Variants in POP5 observed in about 807,000 individuals in gnomAD.
POP5 encodes POP5 ribonuclease P/MRP subunit.
In POP5, 18 loss-of-function variants were observed where a neutral mutation model predicts 20.7. The ratio of observed to expected loss-of-function variants is 0.87; its 90% confidence interval spans 0.60 to 1.29. The LOEUF (loss-of-function observed/expected upper bound fraction) is 1.29. POP5 is among the 50% of genes most tolerant of loss of function. POP5 has a pLI of 0.00. For missense variants in POP5, 200 were observed against 203.2 expected, an observed-to-expected ratio of 0.98 and a Z score of 0.10; for synonymous variants, 91 against 78.0, an observed-to-expected ratio of 1.17 and a Z score of -0.88.
rs780252851 is a variant in POP5, at chr12:120,579,919, T to C, written c.168A>G (p.Arg56=). 110 of 1,613,424 alleles carry C rather than the reference T, an allele frequency of 6.8e-5. No individual in the cohort carries two copies. The highest frequency in any genetic ancestry group is 8.0e-5 in the African/African-American group (6 of 75,042). Residue 56 remains arginine, a synonymous_variant, in exon 3 of 5, where the codon CGA becomes CGG. Coordinates refer to ENST00000357500, the MANE Select transcript of POP5 (RefSeq NM_015918.4). ...CTATTCCAGTATAGGCATTGAGATATCGAACTACAACAGGAAAGAAAAATC... is the reference window on the plus strand; with the variant it reads ...CTATTCCAGTATAGGCATTGAGATACCGAACTACAACAGGAAAGAAAAATC... ...AAACSIGFAV[R]YLNAYTGIVL...
chr12:120,581,267 G>C lies in POP5; in HGVS notation c.21-10C>G, dbSNP rs1363328137. The C allele has an allele frequency of 6.2e-7, 1 of 1,614,224 alleles. No individual in the cohort carries two copies. The highest frequency in any genetic ancestry group is 1.7e-5 in the Admixed American group (1 of 60,026). On this transcript the variant is annotated splice_polypyrimidine_tract_variant and intron_variant, in intron 1 of 4. Transcript: ENST00000357500. ...TTCGCAGAGCAGGTACCTGCGGCAGGCGAGAGGAAGGTGGACACTAGCGGG... is the reference window on the plus strand; with the variant it reads ...TTCGCAGAGCAGGTACCTGCGGCAGCCGAGAGGAAGGTGGACACTAGCGGG...
At position 120,581,127 on chromosome 12, in the gene POP5, T is replaced by C. The variant is rs944386084; in HGVS notation, c.151A>G (p.Ile51Val). The C allele has an allele frequency of 2.5e-6, 4 of 1,612,026 alleles. No homozygotes were observed. Among genetic ancestry groups the C allele is most frequent in the South Asian group, 1.1e-5 (1 of 91,056 alleles). Reference sequence around the variant, plus strand: ...AGCGCCCTTGCACCCGCGAAGCCGATGGAGCAGGCGGCTGCGCCGAAAGTT... The same window carrying C: ...AGCGCCCTTGCACCCGCGAAGCCGACGGAGCAGGCGGCTGCGCCGAAAGTT... The part of the protein sequence containing the change: ...HGTFGAAACS[I>V]GFAVRYLNAY... Residue 51 changes from isoleucine to valine, a missense_variant, in exon 2 of 5, where the codon ATC becomes GTC. Coordinates refer to ENST00000357500, the MANE Select transcript of POP5 (RefSeq NM_015918.4).
intron 3 of POP5, 46 bp from the exon 4 acceptor site, chr12:120,579,643 C>T: frequency 1.3e-6 from 2 of 1,571,384 alleles, no homozygotes; most frequent in Middle Eastern, 1.7e-4. Flanking sequence ...AAGATCTCGA[C>T]CTTACAGACT....
At position 120,581,373 on chromosome 12, in the gene POP5, G is replaced by C; in HGVS notation, c.-11C>G. The C allele has an allele frequency of 1.2e-6, 2 of 1,610,836 alleles. No individual in the cohort carries two copies. The highest frequency in any genetic ancestry group is 1.7e-6 in the Non-Finnish European group (2 of 1,178,758). On this transcript the variant is annotated 5_prime_UTR_variant, in exon 1 of 5. Coordinates refer to ENST00000357500, the MANE Select transcript of POP5 (RefSeq NM_015918.4). Reference sequence around the variant, plus strand: ...CTTGAACCGCACCATGGCTGCCTCCGCGCTCTCCGGTCCGGCGTGCAAACC... The same window carrying C: ...CTTGAACCGCACCATGGCTGCCTCCCCGCTCTCCGGTCCGGCGTGCAAACC...
In POP5 at chr12:120,579,941, A is replaced by C. The variant is rs1280912576; in HGVS notation, c.164-18T>G. 6.2e-7 allele frequency: 1 copy of C among 1,610,546 alleles called. No homozygotes were observed. Among genetic ancestry groups the C allele is most frequent in the Non-Finnish European group, 8.5e-7 (1 of 1,178,644 alleles). ...ATATCGAACTACAACAGGAAAGAAA[A>C]ATCATTTTGGAAAACTTTTGCTCTG... On this transcript the variant is annotated intron_variant, in intron 2 of 4. Transcript: ENST00000357500.
chr12:120,579,976 T>C (rs543394371), intron 2 of POP5, 53 bp from the exon 3 acceptor site: 1 of 1,546,790 alleles, frequency 6.5e-7, no homozygotes, highest in African/African-American at 1.4e-5. Flanking sequence ...GTGTGGTGGC[T>C]CACGCCTGTA....
chr12:120,579,167 T>A lies in POP5; in HGVS notation c.*151A>T. On this transcript the variant is annotated 3_prime_UTR_variant, in exon 5 of 5. Coordinates refer to ENST00000357500, the MANE Select transcript of POP5 (RefSeq NM_015918.4). ...TAGGTAAAGGCAACTTCAGTTTAAC[T>A]GAGTACTCCATTTCAAGTGGGTAAT... The A allele has an allele frequency of 1.5e-6, 1 of 686,644 alleles. No individual in the cohort carries two copies. Among genetic ancestry groups the A allele is most frequent in the Non-Finnish European group, 2.6e-6 (1 of 390,200 alleles). 42.5% of individuals were successfully genotyped at this position (686,644 alleles called of 1,614,324 possible). A position where few individuals can be genotyped will look rare whatever the true frequency, so the allele number is the denominator to read the frequency against.
chr12:120,581,014 C>T (rs1299068246), intron 2 of POP5, 101 bp downstream of exon 2: 2 of 1,502,018 alleles, frequency 1.3e-6, no homozygotes, highest in Admixed American at 2.1e-5. Flanking sequence ...AAACGGTGCA[C>T]GGGCTTGGCC....
At chr12:120,579,474 T>C (rs554222502) in intron 4 of POP5, 40 bp downstream of exon 4, 1 of 1,607,312 alleles carries the variant, frequency 6.2e-7, no homozygotes, top group African/African-American at 1.3e-5. Context: ...CAGCTTAAGG[T>C]CAGTCACTGC....
intron 2 of POP5, chr12:120,580,701 T>C (rs1473595416): frequency 5.1e-6 from 1 of 196,576 alleles, no homozygotes; most frequent in South Asian, 8.5e-5. Context: ...TTGACAATCA[T>C]GTGTTCTGTA....
At chr12:120,579,739 A>G (rs758203410) in intron 3 of POP5, 35 bp downstream of exon 3, 53 of 1,580,790 alleles carry the variant, frequency 3.4e-5, no homozygotes, top group Non-Finnish European at 4.3e-5. Flanking sequence ...CGTGTCACCA[A>G]TTGAAAATCA....
At chr12:120,580,005 G>T in intron 2 of POP5, 82 bp from the exon 3 acceptor site, 1 of 1,351,586 alleles carries the variant, frequency 7.4e-7, no homozygotes, top group Non-Finnish European at 1.0e-6. Flanking sequence ...ACTTTGGGAG[G>T]CTGAGGCGGG....
At chr12:120,579,474 T>G in intron 4 of POP5, 40 bp downstream of exon 4, 1 of 1,607,430 alleles carries the variant, frequency 6.2e-7, no homozygotes, top group Non-Finnish European at 8.5e-7. Flanking sequence ...CAGCTTAAGG[T>G]CAGTCACTGC....
At chr12:120,579,445 T>A in intron 4 of POP5, 33 bp from the exon 5 acceptor site, 18 of 1,608,218 alleles carry the variant, frequency 1.1e-5, no homozygotes, top group Non-Finnish European at 1.5e-5. Context: ...ATGAAAGATA[T>A]CTTTGGGAGT....
chr12:120,580,965 C>T (rs1035079676), intron 2 of POP5, 150 bp downstream of exon 2: 1 of 1,284,854 alleles, frequency 7.8e-7, no homozygotes, highest in Non-Finnish European at 1.1e-6. Context: ...TTCGGACTCT[C>T]GCTTGGGGTC....
At position 120,581,340 on chromosome 12, in the gene POP5, T is replaced by A; in HGVS notation, c.20+3A>T. ...CTGGGAGGGTCTGGAAGGGAATGCT[T>A]ACCTGTGCTTGAACCGCACCATGGC... is the stretch of plus-strand genomic sequence containing the variant. On this transcript the variant is annotated splice_donor_region_variant and intron_variant, in intron 1 of 4. Coordinates refer to ENST00000357500, the MANE Select transcript of POP5 (RefSeq NM_015918.4). The A allele has an allele frequency of 6.2e-7, 1 of 1,613,854 alleles. No individual in the cohort carries two copies. The highest frequency in any genetic ancestry group is 8.5e-7 in the Non-Finnish European group (1 of 1,179,900).
rs1249300389 is a variant in POP5 at position 120,579,382 on chromosome 12, G to A, written c.428C>T (p.Thr143Ile). 1 of 1,614,048 alleles carries A rather than the reference G, an allele frequency of 6.2e-7. No homozygotes were observed. Among genetic ancestry groups the A allele is most frequent in the African/African-American group, 1.3e-5 (1 of 74,918 alleles). Residue 143 changes from threonine to isoleucine, a missense_variant, in exon 5 of 5, where the codon ACA becomes ATA. Transcript: ENST00000357500. ...CTCCTCCTCTAATAAGCAGCTTCTT[G>A]TCACAGACTTCTGGATAGCTTCCCG... is the stretch of plus-strand genomic sequence containing the variant. ...GEREAIQKSV[T>I]RSCLLEEEEE...
chr12:120,579,747 T>C, intron 3 of POP5, 27 bp downstream of exon 3: 1 of 1,588,678 alleles, frequency 6.3e-7, no homozygotes, highest in Non-Finnish European at 8.6e-7. Context: ...CAATTGAAAA[T>C]CAGTAGCCAT....
In POP5 at chr12:120,581,222, C is replaced by T; in HGVS notation, c.56G>A (p.Arg19His). 1 of 1,614,172 alleles carries T rather than the reference C, an allele frequency of 6.2e-7. No homozygotes were observed. The highest frequency in any genetic ancestry group is 1.1e-5 in the South Asian group (1 of 91,088). ...LLCELVSDDP[R>H]CRLSLDDRVL... Reference sequence around the variant, plus strand: ...TCGGTCATCGAGGCTTAGGCGGCAGCGGGGGTCGTCAGACACCAGTTCGCA... The same window carrying T: ...TCGGTCATCGAGGCTTAGGCGGCAGTGGGGGTCGTCAGACACCAGTTCGCA... Residue 19 changes from arginine (R) to histidine (H), a missense_variant, in exon 2 of 5, where the codon CGC becomes CAC. Arg to His is a conservative substitution (Grantham distance 29). Coordinates refer to ENST00000357500, the MANE Select transcript of POP5 (RefSeq NM_015918.4).
Sources: gnomAD v4.1 joint callset for allele counts on GRCh38, gnomAD v4.1.1 for gene constraint, MANE v1.5 for transcripts, NCBI Gene and HGNC (gene_info 2026-07-23, HGNC 2026-07-21) for gene names.